The following KCNK2 variants were observed in gnomAD, a reference collection of about 807,000 sequenced individuals.
KCNK2 encodes potassium two pore domain channel subfamily K member 2, also known as potassium channel subfamily K member 2.
In KCNK2, 21 loss-of-function variants were observed where a neutral mutation model predicts 40.5. That is an observed-to-expected ratio of 0.52 (90% confidence interval 0.37 to 0.75). The LOEUF (loss-of-function observed/expected upper bound fraction) is 0.75. Ranked by LOEUF, KCNK2 falls within the 30% of genes least tolerant of loss-of-function variation. KCNK2 has a pLI of 0.00. For synonymous variants in KCNK2, 191 were observed against 202.2 expected (o/e 0.94, Z 0.47); for missense variants, 399 against 531.6 (o/e 0.75, Z 2.45).
intron 1 of KCNK2, among the ~76,000 whole-genome samples, chr1:215,072,924 T>C (rs1658805649): frequency 6.6e-6 from 1 of 152,132 alleles, no homozygotes; most frequent in Admixed American, 6.5e-5. Context: ...CTAACCCCAA[T>C]ACCGTAGAAT....
intron 6 of KCNK2, among the ~76,000 whole-genome samples, chr1:215,228,008 G>A (rs566730077): frequency 6.6e-6 from 1 of 152,022 alleles, no homozygotes. Flanking sequence ...ACATAAGTTT[G>A]AGATGCCTGG....
chr1:215,130,727 G>A lies in KCNK2; in HGVS notation c.475+5977G>A, dbSNP rs377410188. 5.9e-5 allele frequency among the ~76,000 whole-genome samples: 9 copies of A among 152,156 alleles called. No individual in the cohort carries two copies. In the East Asian group the frequency reaches 7.7e-4, roughly 13 times the overall value. On this transcript the variant is annotated intron_variant, in intron 3 of 6. Transcript: ENST00000444842. ...AAAAGATGTTGACTTGAACTAAGGA[G>A]GTAGCAGTGAGGAGGGTGAAAGGTG...
intron 1 of KCNK2, among the ~76,000 whole-genome samples, chr1:215,007,159 A>ATATATATG (rs1656191076): frequency 8.6e-6 from 1 of 116,036 alleles, no homozygotes; most frequent in Non-Finnish European, 1.7e-5. Flanking sequence ...ATATATATGT[A>ATATATATG]TGTATATATA....
intron 1 of KCNK2, among the ~76,000 whole-genome samples, chr1:215,054,131 C>T (rs985019686): frequency 3.9e-5 from 6 of 152,294 alleles, no homozygotes; most frequent in South Asian, 2.1e-4. Context: ...CTATATTATT[C>T]GAGCTGTGCT....
At chr1:215,028,116 G>A (rs1003240006) in intron 1 of KCNK2, among the ~76,000 whole-genome samples, 4 of 152,012 alleles carry the variant, frequency 2.6e-5, no homozygotes, top group African/African-American at 9.7e-5. Context: ...GCTGGGCACC[G>A]TGGCTCCCGC....
rs563312254 is a variant in KCNK2, at chr1:215,046,169, T to C, written c.35-40199T>C. The stretch of plus-strand genomic sequence containing the variant: ...GAAAATAGGCCTAATGGAATTGTCC[T>C]CTGGAGTGAATAGAAATATCTGTTA... On this transcript the variant is annotated intron_variant, in intron 1 of 6. Coordinates refer to the KCNK2 transcript ENST00000391895. Among the ~76,000 whole-genome samples, 4 of 152,286 alleles carry C rather than the reference T, an allele frequency of 2.6e-5. No individual in the cohort carries two copies. The South Asian group carries it at 8.3e-4, about 32-fold the overall frequency.
rs1659445769 is a variant in KCNK2 at position 215,086,461 on chromosome 1, G to A, written c.140G>A (p.Arg47Gln). ...FSTKPTVLAS[R>Q]VESDTTINVM... The stretch of plus-strand genomic sequence containing the variant: ...ACGAAACCCACAGTGCTTGCTTCCC[G>A]GGTGGAGAGTGACACGACCATTAAT... The change falls in exon 2 of 7, where the codon CGG becomes CAG. Residue 47 changes from arginine (R) to glutamine (Q), a missense_variant. Physicochemically the swap from Arg to Gln is conservative, Grantham distance 43. Coordinates refer to ENST00000444842, the MANE Select transcript of KCNK2 (RefSeq NM_001017425.3). 3 of 1,613,928 alleles carry A rather than the reference G, an allele frequency of 1.9e-6. No homozygotes were observed. Among genetic ancestry groups the A allele is most frequent in the South Asian group, 1.1e-5 (1 of 91,078 alleles).
chr1:215,169,795 G>A (rs1414241421), intron 4 of KCNK2, among the ~76,000 whole-genome samples: 6 of 151,838 alleles, frequency 4.0e-5, no homozygotes, highest in Admixed American at 6.6e-5. Flanking sequence ...ATAGGCACCC[G>A]CCACCATGCC....
intron 5 of KCNK2, among the ~76,000 whole-genome samples, chr1:215,180,582 T>C (rs1380991457): frequency 6.6e-6 from 1 of 152,158 alleles, no homozygotes; most frequent in Non-Finnish European, 1.5e-5. Flanking sequence ...TGCTTGCTTG[T>C]CTGGAAAAAA....
chr1:215,013,989 C>G (rs1052163318), intron 1 of KCNK2, among the ~76,000 whole-genome samples: 1 of 151,950 alleles, frequency 6.6e-6, no homozygotes, highest in Non-Finnish European at 1.5e-5. Flanking sequence ...TTGTGTTTTT[C>G]CTTATATTGG....
At chr1:215,128,811 G>A (rs1661548450) in intron 3 of KCNK2, among the ~76,000 whole-genome samples, 1 of 152,212 alleles carries the variant, frequency 6.6e-6, no homozygotes. Context: ...AAGAAGAATT[G>A]TTTAAAGAAG....
chr1:215,209,319 TAC>T lies in KCNK2; in HGVS notation c.963+14231_963+14232del, dbSNP rs1343806494. On this transcript the variant is annotated intron_variant, in intron 6 of 6. Coordinates refer to ENST00000444842, the MANE Select transcript of KCNK2 (RefSeq NM_001017425.3). ...TAATATATATTATATATATGAAATA[TAC>T]ACATATTTTTATATATATAATATAT... Among the ~76,000 whole-genome samples the T allele has an allele frequency of 2.3e-4, 14 of 61,396 alleles. No homozygotes were observed. In the East Asian group the frequency reaches 7.0e-3, roughly 31 times the overall value. The allele number at this position is 61,396 out of a possible 152,430, so 40.3% of individuals were successfully genotyped here. A position where few individuals can be genotyped will look rare whatever the true frequency, so the allele number is the denominator to read the frequency against.
At chr1:215,111,424 C>T (rs1217538562) in intron 2 of KCNK2, among the ~76,000 whole-genome samples, 2 of 152,034 alleles carry the variant, frequency 1.3e-5, no homozygotes, top group East Asian at 1.9e-4. Flanking sequence ...TGTCACTAGG[C>T]TTTCTTTACT....
At chr1:215,013,051 G>A (rs1656463243) in intron 1 of KCNK2, among the ~76,000 whole-genome samples, 1 of 151,262 alleles carries the variant, frequency 6.6e-6, no homozygotes, top group Admixed American at 6.6e-5. Context: ...AGTTAATTTT[G>A]TATAATTCAA....
At chr1:215,125,779 A>ATAT in intron 3 of KCNK2, among the ~76,000 whole-genome samples, 1 of 77,770 alleles carries the variant, frequency 1.3e-5, no homozygotes, top group Admixed American at 1.4e-4. Flanking sequence ...TATATATATA[A>ATAT]AATAAAATTT....
intron 3 of KCNK2, among the ~76,000 whole-genome samples, chr1:215,127,668 A>G (rs936905071): frequency 5.3e-5 from 8 of 152,256 alleles, no homozygotes; most frequent in South Asian, 2.1e-4. Flanking sequence ...AGCAAAAGCC[A>G]TAGTCCCTTG....
At chr1:215,176,401 C>T (rs910784049) in intron 5 of KCNK2, among the ~76,000 whole-genome samples, 12 of 152,040 alleles carry the variant, frequency 7.9e-5, no homozygotes, top group Middle Eastern at 3.4e-3. Flanking sequence ...CATAGGCAAA[C>T]GTGTGCCATG....
rs1659218861 is a variant in KCNK2 at position 215,082,767 on chromosome 1, G to C, written c.-619G>C. On this transcript the variant is annotated 5_prime_UTR_variant, in exon 1 of 7. Transcript: ENST00000444842. ...AGCCGGCAAGGGGCGACAGGAGCGA[G>C]CCGGGAAGGGAGAGCAGCGGAGGGC... Among the ~76,000 whole-genome samples the C allele has an allele frequency of 6.6e-6, 1 of 152,062 alleles. No homozygotes were observed. The highest frequency in any genetic ancestry group is 2.4e-5 in the African/African-American group (1 of 41,440).
At chr1:215,158,699 C>G (rs1442676597) in intron 3 of KCNK2, among the ~76,000 whole-genome samples, 1 of 152,084 alleles carries the variant, frequency 6.6e-6, no homozygotes, top group East Asian at 1.9e-4. Flanking sequence ...ACTGTAGAGA[C>G]ATTTGTCGTC....
Sources: allele counts gnomAD v4.1 joint callset (sites outside exome capture counted in the v4.1 genomes callset), GRCh38; gene constraint gnomAD v4.1.1; transcripts MANE v1.5; gene names NCBI Gene and HGNC (gene_info 2026-07-23, HGNC 2026-07-21).